The following TRMT11 variants were observed in gnomAD, a reference collection of about 807,000 sequenced individuals.
TRMT11 encodes tRNA (guanine(10)-N(2))-methyltransferase TRMT11.
A neutral mutation model predicts 62.8 loss-of-function variants in TRMT11; 53 were observed. That is an observed-to-expected ratio of 0.84 (90% CI 0.68 to 1.06). The LOEUF (loss-of-function observed/expected upper bound fraction) is 1.06, where lower values mean the gene tolerates loss of function less well. TRMT11 is among the 50% of genes least tolerant of loss of function. The pLI is 0.00. For missense variants in TRMT11, 556 were observed against 553.4 expected, an observed-to-expected ratio of 1.00 and a Z score of -0.05; for synonymous variants, 188 against 190.3, an observed-to-expected ratio of 0.99 and a Z score of 0.10.
chr6:126,093,691 A>T (rs1777308647), intron 17 of TRMT11, among the ~76,000 whole-genome samples: 1 of 145,266 alleles, frequency 6.9e-6, no homozygotes, highest in Non-Finnish European at 1.5e-5. Flanking sequence ...GCTTAGAAAT[A>T]GAAAATAAGA....
chr6:126,162,890 GT>G (rs1562337696), intron 21 of TRMT11, among the ~76,000 whole-genome samples: 2 of 152,008 alleles, frequency 1.3e-5, no homozygotes, highest in Non-Finnish European at 2.9e-5. Context: ...AATGCTTGTG[GT>G]TTTTGCACAT....
chr6:126,008,567 T>C (rs1793716070), intron 8 of TRMT11, 95 bp downstream of exon 8: 2 of 1,029,772 alleles, frequency 1.9e-6, no homozygotes, highest in Non-Finnish European at 3.1e-6. Context: ...CAAGTTTGAA[T>C]TGCACAGGTC....
chr6:126,075,294 A>T (rs1479032871), intron 17 of TRMT11, among the ~76,000 whole-genome samples: 1 of 152,136 alleles, frequency 6.6e-6, no homozygotes, highest in African/African-American at 2.4e-5. Context: ...ATTGCTCTGC[A>T]GGGGCTGTGA....
chr6:126,267,651 G>A, the TRMT11 span, among the ~76,000 whole-genome samples: 2 of 151,950 alleles, frequency 1.3e-5, no homozygotes, highest in Non-Finnish European at 2.9e-5. Flanking sequence ...GAGGTTAGAA[G>A]ATGGTTAGGC....
At chr6:126,241,283 C>T in the TRMT11 span, among the ~76,000 whole-genome samples, 1 of 152,182 alleles carries the variant, frequency 6.6e-6, no homozygotes, top group Admixed American at 6.5e-5. Context: ...TCTTCTGTGT[C>T]GCTCACGCTG....
rs192003342 is a variant in TRMT11, at chr6:126,148,907, G to A, written c.*1824-25918G>A. ...TGATTCAGTTAACTTTTGTAAGAATGTTTCCTCACCTGCAACATGAGGATA... is the reference window on the plus strand; with the variant it reads ...TGATTCAGTTAACTTTTGTAAGAATATTTCCTCACCTGCAACATGAGGATA... On this transcript the variant is annotated intron_variant and NMD_transcript_variant, in intron 21 of 22. Coordinates refer to the TRMT11 transcript ENST00000648977. Among the ~76,000 whole-genome samples the A allele has an allele frequency of 2.0e-3, 307 of 152,288 alleles. 2 individuals carry two copies. The highest frequency in any genetic ancestry group is 6.8e-3 in the African/African-American group (283 of 41,570).
At chr6:126,110,435 A>C (rs1777517953) in intron 17 of TRMT11, among the ~76,000 whole-genome samples, 1 of 152,190 alleles carries the variant, frequency 6.6e-6, no homozygotes, top group African/African-American at 2.4e-5. Flanking sequence ...ATGTACCAGA[A>C]TAAAATTACA....
Position 126,126,920 on chromosome 6 carries a change from G to A in TRMT11, c.*1823+11065G>A, listed in dbSNP as rs115318983. Among the ~76,000 whole-genome samples, 1,481 of 152,150 alleles carry A rather than the reference G, an allele frequency of 9.7e-3. 15 individuals are homozygous for A. Among genetic ancestry groups the A allele is most frequent in the African/African-American group, 0.034 (1,420 of 41,534 alleles). ...CCCACCCATGAAAATACATGAATAA[G>A]GATTTTCCTCTCTTCCTTAGGAAAA... On this transcript the variant is annotated intron_variant and NMD_transcript_variant, in intron 21 of 22. Coordinates refer to the TRMT11 transcript ENST00000648977.
At chr6:125,999,410 G>C (rs754785951) in intron 6 of TRMT11, 47 bp from the exon 7 acceptor site, 1 of 1,464,384 alleles carries the variant, frequency 6.8e-7, no homozygotes, top group Non-Finnish European at 9.2e-7. Context: ...ATTATCTTAA[G>C]TCTATTCTGT....
At chr6:126,201,731 T>C (rs1199009761) in intron 3 of TRMT11, among the ~76,000 whole-genome samples, 1 of 152,190 alleles carries the variant, frequency 6.6e-6, no homozygotes, top group Non-Finnish European at 1.5e-5. Flanking sequence ...TCTCTTTATT[T>C]TTATTTTCCT....
intron 21 of TRMT11, among the ~76,000 whole-genome samples, chr6:126,154,866 G>A (rs1778099145): frequency 6.6e-6 from 1 of 152,284 alleles, no homozygotes; most frequent in South Asian, 2.1e-4. Context: ...TTCTATAACT[G>A]ATGCTCGTGC....
intron 12 of TRMT11, among the ~76,000 whole-genome samples, chr6:126,032,291 A>G (rs1341567276): frequency 2.6e-5 from 4 of 152,142 alleles, no homozygotes; most frequent in African/African-American, 4.8e-5. Flanking sequence ...AATCTCATCA[A>G]TGGCTTTCTG....
intron 11 of TRMT11, among the ~76,000 whole-genome samples, chr6:126,019,470 G>A (rs1234263441): frequency 6.6e-6 from 1 of 151,914 alleles, no homozygotes; most frequent in Non-Finnish European, 1.5e-5. Flanking sequence ...GTTATATTAG[G>A]GATCTAAACA....
At chr6:126,082,202 A>G (rs866799012) in intron 17 of TRMT11, among the ~76,000 whole-genome samples, 1 of 152,126 alleles carries the variant, frequency 6.6e-6, no homozygotes, top group East Asian at 1.9e-4. Flanking sequence ...ATACCACCGA[A>G]AGTGGACAGC....
the TRMT11 span, among the ~76,000 whole-genome samples, chr6:126,242,670 A>C: frequency 6.6e-6 from 1 of 152,208 alleles, no homozygotes; most frequent in Non-Finnish European, 1.5e-5. Flanking sequence ...CCTGACAAAA[A>C]CAAGAAATGG....
chr6:126,093,631 A>ATTTTTTTTTTTTTTTTTTTTTT (rs145963759), intron 17 of TRMT11, among the ~76,000 whole-genome samples: 1 of 98,016 alleles, frequency 1.0e-5, no homozygotes, highest in African/African-American at 4.4e-5. Flanking sequence ...ATATATATAT[A>ATTTTTTTTTTTTTTTTTTTTTT]TTTTCCCCCA....
rs1201406210 is a variant in TRMT11, at chr6:125,998,102, A to G, written c.262A>G (p.Ser88Gly). 8.1e-6 allele frequency: 13 copies of G among 1,613,680 alleles called. No homozygotes were observed. Among genetic ancestry groups the G allele is most frequent in the Admixed American group, 1.7e-5 (1 of 59,994 alleles). Residue 88 changes from serine to glycine, a missense_variant, in exon 4 of 13, where the codon AGT (serine) becomes GGT (glycine). By Grantham distance (56) the Ser-to-Gly change is moderately conservative. Transcript: ENST00000334379. ...TGGACAATCTCCTGAGGAGCTGTAC[A>G]GTTCTCTTAAAAACTACCCTGTGGA... ...GHGQSPEELY[S>G]SLKNYPVEKM...
At chr6:125,990,473 G>T (rs1013492604) in intron 1 of TRMT11, among the ~76,000 whole-genome samples, 1 of 151,724 alleles carries the variant, frequency 6.6e-6, no homozygotes, top group South Asian at 2.1e-4. Context: ...CCTTTCTATC[G>T]GGCACTCAGA....
At chr6:126,244,093 C>G in the TRMT11 span, among the ~76,000 whole-genome samples, 1 of 151,744 alleles carries the variant, frequency 6.6e-6, no homozygotes, top group Non-Finnish European at 1.5e-5. Context: ...TAGCATTGAA[C>G]AAAATAGACT....
Sources: allele counts gnomAD v4.1 joint callset (sites outside exome capture counted in the v4.1 genomes callset), GRCh38; gene constraint gnomAD v4.1.1; transcripts MANE v1.5; gene names NCBI Gene and HGNC (gene_info 2026-07-23, HGNC 2026-07-21).